CDH13: variants seen among roughly 807,000 people sequenced by gnomAD.
CDH13 encodes cadherin 13.
A neutral mutation model predicts 63.8 loss-of-function variants in CDH13; 24 were observed. The observed-to-expected ratio is 0.38, with a 90% confidence interval of 0.27 to 0.53. The LOEUF (loss-of-function observed/expected upper bound fraction) is 0.53, where lower values mean the gene tolerates loss of function less well. Among genes scored for constraint, CDH13 ranks in the 20% least tolerant of loss-of-function variants. The pLI is 0.85. For synonymous variants in CDH13, 503 were observed against 355.3 expected (o/e 1.42, Z -4.67); for missense variants, 1,049 against 903.1 (o/e 1.16, Z -2.07).
At chr16:83,091,769 C>T (rs781576815) in intron 3 of CDH13, among the ~76,000 whole-genome samples, 7 of 152,184 alleles carry the variant, frequency 4.6e-5, no homozygotes, top group Non-Finnish European at 8.8e-5. Context: ...ACTATATCCC[C>T]AGCATCTATA....
At chr16:83,573,968 A>G (rs906868465) in intron 7 of CDH13, among the ~76,000 whole-genome samples, 7 of 152,078 alleles carry the variant, frequency 4.6e-5, no homozygotes, top group African/African-American at 1.7e-4. Flanking sequence ...GGTCCCCGGG[A>G]TTTAAAGAGG....
At chr16:83,145,778 C>T (rs2036721663) in intron 4 of CDH13, among the ~76,000 whole-genome samples, 1 of 152,178 alleles carries the variant, frequency 6.6e-6, no homozygotes, top group African/African-American at 2.4e-5. Context: ...AGCAGACCAG[C>T]CTGGGTTCTG....
At chr16:83,382,709 A>G (rs1370682102) in intron 6 of CDH13, among the ~76,000 whole-genome samples, 1 of 152,210 alleles carries the variant, frequency 6.6e-6, no homozygotes, top group Non-Finnish European at 1.5e-5. Flanking sequence ...ACCTTCTGCA[A>G]CAGTGAGAAA....
chr16:83,627,781 G>C (rs1302231101), intron 8 of CDH13, among the ~76,000 whole-genome samples: 1 of 152,172 alleles, frequency 6.6e-6, no homozygotes, highest in African/African-American at 2.4e-5. Context: ...TTCGAGGCAA[G>C]TCCGTAAAGT....
At chr16:82,710,636 A>G (rs1373891368) in intron 1 of CDH13, among the ~76,000 whole-genome samples, 2 of 144,356 alleles carry the variant, frequency 1.4e-5, no homozygotes, top group African/African-American at 2.5e-5. Context: ...ATATATTTAC[A>G]TATAATATAA....
intron 7 of CDH13, among the ~76,000 whole-genome samples, chr16:83,590,600 C>T (rs1430463557): frequency 6.6e-6 from 1 of 150,932 alleles, no homozygotes; most frequent in Non-Finnish European, 1.5e-5. Flanking sequence ...TCGAAATGGA[C>T]GTAAAAAAAA....
chr16:83,225,897 T>C (rs535304691), intron 5 of CDH13, among the ~76,000 whole-genome samples: 76 of 152,328 alleles, frequency 5.0e-4, no homozygotes, highest in African/African-American at 1.7e-3. Flanking sequence ...AGGTGTGTGT[T>C]TGAATATCAA....
chr16:82,698,383 A>G (rs2030583523), intron 1 of CDH13, among the ~76,000 whole-genome samples: 1 of 152,196 alleles, frequency 6.6e-6, no homozygotes, highest in Non-Finnish European at 1.5e-5. Context: ...AAGGAAGAGA[A>G]TGTATCAGGT....
At chr16:83,793,867 G>A (rs1481154421) in intron 13 of CDH13, among the ~76,000 whole-genome samples, 1 of 152,132 alleles carries the variant, frequency 6.6e-6, no homozygotes, top group African/African-American at 2.4e-5. Flanking sequence ...TTTTGAGATG[G>A]GGAGAGTATC....
intron 7 of CDH13, among the ~76,000 whole-genome samples, chr16:83,494,063 C>T (rs1429137309): frequency 6.6e-6 from 1 of 152,168 alleles, no homozygotes; most frequent in Non-Finnish European, 1.5e-5. Flanking sequence ...CATGTTGAAT[C>T]AAGAGACACT....
intron 4 of CDH13, among the ~76,000 whole-genome samples, chr16:83,165,144 C>G (rs77542914): frequency 0.026 from 3,964 of 151,842 alleles, 130 homozygotes; most frequent in South Asian, 0.12. Context: ...TTAGGAATCC[C>G]TAAGAAGGAG....
chr16:83,779,895 A>G (rs1915399696), intron 11 of CDH13, 73 bp from the exon 12 acceptor site: 2 of 970,652 alleles, frequency 2.1e-6, no homozygotes, highest in South Asian at 1.6e-5. Flanking sequence ...TAAGTTTACA[A>G]TGCAAAAAGT....
intron 7 of CDH13, among the ~76,000 whole-genome samples, chr16:83,528,813 AAG>A (rs1232316388): frequency 2.0e-5 from 3 of 152,198 alleles, no homozygotes; most frequent in Non-Finnish European, 4.4e-5. Context: ...GGTTGTAGTC[AAG>A]AGAGAGACTG....
chr16:82,831,841 C>G (rs1439493258), intron 1 of CDH13, among the ~76,000 whole-genome samples: 1 of 152,152 alleles, frequency 6.6e-6, no homozygotes, highest in Non-Finnish European at 1.5e-5. Flanking sequence ...AGACCCAAGA[C>G]TTTGTGGAAT....
intron 8 of CDH13, among the ~76,000 whole-genome samples, chr16:83,617,266 G>C (rs1287383471): frequency 6.6e-6 from 1 of 152,062 alleles, no homozygotes; most frequent in East Asian, 1.9e-4. Context: ...CTGTGTTTTG[G>C]CTTCTGATGT....
At chr16:82,675,526 C>T (rs866228042) in intron 1 of CDH13, among the ~76,000 whole-genome samples, 1 of 152,150 alleles carries the variant, frequency 6.6e-6, no homozygotes, top group African/African-American at 2.4e-5. Flanking sequence ...CTCCTTGGCC[C>T]AGCACAGTTT....
At chr16:82,700,612 T>G (rs548749960) in intron 1 of CDH13, among the ~76,000 whole-genome samples, 16 of 152,188 alleles carry the variant, frequency 1.1e-4, no homozygotes, top group African/African-American at 3.9e-4. Context: ...TGGGTTAAAC[T>G]TAATCATTTC....
At chr16:82,835,898 C>T (rs909992555) in intron 1 of CDH13, among the ~76,000 whole-genome samples, 3 of 152,170 alleles carry the variant, frequency 2.0e-5, no homozygotes, top group African/African-American at 7.2e-5. Context: ...GAAGTCTCTG[C>T]TACCAACACC....
At chr16:83,171,550 C>T (rs1331455601) in intron 4 of CDH13, 24 of 1,534,246 alleles carry the variant, frequency 1.6e-5, no homozygotes, top group South Asian at 3.6e-5. Flanking sequence ...CTGTGCCTAG[C>T]ACGATGGCTG....
Sources: allele counts gnomAD v4.1 joint callset (sites outside exome capture counted in the v4.1 genomes callset), GRCh38; gene constraint gnomAD v4.1.1; transcripts MANE v1.5; gene names NCBI Gene and HGNC (gene_info 2026-07-23, HGNC 2026-07-21).